The following PEX14 variants were observed in gnomAD, a reference collection of about 807,000 sequenced individuals.
The protein encoded by PEX14 is peroxisomal membrane protein PEX14.
In PEX14, 15 loss-of-function variants were observed where a neutral mutation model predicts 49.5. The ratio of observed to expected loss-of-function variants is 0.30; its 90% CI spans 0.20 to 0.47. PEX14 has a LOEUF of 0.47. Ranked by LOEUF, PEX14 falls within the 20% of genes least tolerant of loss-of-function variation. The probability of loss-of-function intolerance (pLI) is 1.00; values close to 1 mark genes in which losing one functional copy is unlikely to be tolerated. For synonymous variants in PEX14, 210 were observed against 212.7 expected, an observed-to-expected ratio of 0.99 and a Z score of 0.11; for missense variants, 398 against 494.8, an observed-to-expected ratio of 0.80 and a Z score of 1.86.
At chr1:10,586,212 C>A (rs779831786) in intron 3 of PEX14, among the ~76,000 whole-genome samples, 5 of 152,134 alleles carry the variant, frequency 3.3e-5, no homozygotes, top group Non-Finnish European at 7.4e-5. Flanking sequence ...GATAAACAAA[C>A]AAAAAGTATT....
intron 3 of PEX14, among the ~76,000 whole-genome samples, chr1:10,594,203 C>T (rs889594351): frequency 2.0e-5 from 3 of 152,212 alleles, no homozygotes; most frequent in African/African-American, 7.2e-5. Flanking sequence ...TTTCCCCTTC[C>T]CCTCCCTGAA....
chr1:10,535,936 G>A (rs186800419), intron 2 of PEX14: 20 of 429,682 alleles, frequency 4.7e-5, no homozygotes, highest in Middle Eastern at 7.2e-4. Context: ...GAATCAGCTC[G>A]AATGGAGATC....
intron 1 of PEX14, among the ~76,000 whole-genome samples, chr1:10,484,155 G>A (rs951480979): frequency 2.0e-5 from 3 of 147,622 alleles, no homozygotes; most frequent in African/African-American, 7.5e-5. Flanking sequence ...CAGCCTTCCA[G>A]TAGCTGGGAT....
At position 10,514,411 on chromosome 1, in the gene PEX14, C is replaced by T. The variant is rs1353379637; in HGVS notation, c.84+19090C>T. Among the ~76,000 whole-genome samples the T allele has an allele frequency of 2.0e-5, 3 of 152,100 alleles. No homozygotes were observed. Among genetic ancestry groups the T allele is most frequent in the African/African-American group, 7.2e-5 (3 of 41,404 alleles). The stretch of plus-strand genomic sequence containing the variant: ...TGTGCTATACTGTGTTGTTTGTGCA[C>T]GTGTGTAACAATATACAGTGTTTGT... On this transcript the variant is annotated intron_variant, in intron 2 of 8. Transcript: ENST00000356607. The surrounding 1 kb of genome is among the most constrained non-coding windows in gnomAD (Gnocchi z 4.4).
intron 3 of PEX14, among the ~76,000 whole-genome samples, chr1:10,549,875 T>C (rs1639285816): frequency 6.6e-6 from 1 of 152,192 alleles, no homozygotes; most frequent in African/African-American, 2.4e-5. Context: ...TAACATAAAA[T>C]AGCACTGTTC....
rs1405329775 is a variant in PEX14, at chr1:10,512,417, A to T, written c.84+17096A>T. On this transcript the variant is annotated intron_variant, in intron 2 of 8. Transcript: ENST00000356607. This position sits in a 1 kb window ranked among gnomAD's most constrained non-coding sequence, Gnocchi z 4.6. ...GCCAGGGAAACAGAGACTTCTGTGG[A>T]TTCATCCAAAGGATGGCAGACAGAT... Among the ~76,000 whole-genome samples the T allele has an allele frequency of 6.6e-6, 1 of 152,160 alleles. No homozygotes were observed. Among genetic ancestry groups the T allele is most frequent in the Non-Finnish European group, 1.5e-5 (1 of 68,028 alleles).
chr1:10,629,857 G>A lies in PEX14; in HGVS notation c.1004G>A (p.Ser335Asn). Reference protein sequence around the residue: ...DEEDEEDDDVSHVDEEDCLGV... With the variant: ...DEEDEEDDDVNHVDEEDCLGV... ...GAGGATGAGGAGGATGATGATGTGA[G>A]CCATGTGGACGAGGAGGACTGCCTG... Residue 335 changes from serine (S) to asparagine (N), a missense_variant, in exon 9 of 9, where the codon AGC becomes AAC. By Grantham distance (46) the Ser-to-Asn change is conservative. Around this residue, in one of 3 missense-constraint regions of PEX14, gnomAD observed 140 missense variants for 155.5 expected, o/e 0.90. Transcript: ENST00000356607. The surrounding 1 kb of genome is among the most constrained non-coding windows in gnomAD (Gnocchi z 8.5). 1 of 1,611,016 alleles carries A rather than the reference G, an allele frequency of 6.2e-7. No homozygotes were observed. The highest frequency in any genetic ancestry group is 2.2e-5 in the East Asian group (1 of 44,790).
intron 2 of PEX14, among the ~76,000 whole-genome samples, chr1:10,507,019 G>A (rs1254374645): frequency 2.6e-5 from 4 of 152,180 alleles, no homozygotes; most frequent in South Asian, 2.1e-4. Flanking sequence ...TACTAGCTCC[G>A]ATCACATAGG....
At chr1:10,556,508 C>T (rs568381884) in intron 3 of PEX14, among the ~76,000 whole-genome samples, 2 of 152,248 alleles carry the variant, frequency 1.3e-5, no homozygotes, top group East Asian at 1.9e-4. Context: ...TGATAATCGT[C>T]CCCTTGGAGG....
intron 3 of PEX14, among the ~76,000 whole-genome samples, chr1:10,563,328 G>T (rs147088377): frequency 6.7e-6 from 1 of 149,582 alleles, no homozygotes; most frequent in Non-Finnish European, 1.5e-5. Context: ...GGCCGGGCGC[G>T]GTTGCTCACG....
At chr1:10,475,914 T>G (rs1641187451) in intron 1 of PEX14, among the ~76,000 whole-genome samples, 1 of 152,212 alleles carries the variant, frequency 6.6e-6, no homozygotes, top group Non-Finnish European at 1.5e-5. Flanking sequence ...CTAACCTCCA[T>G]TTCACAGAAA....
Position 10,522,690 on chromosome 1 carries a change from A to G in PEX14, c.85-13523A>G, listed in dbSNP as rs529441486. On this transcript the variant is annotated intron_variant, in intron 2 of 8. Coordinates refer to ENST00000356607, the MANE Select transcript of PEX14 (RefSeq NM_004565.3). ...TTTAATCTCTGGCTTCCTGCTTCTT[A>G]ATCTAACATGAATCAAAGCTGTTCT... is the stretch of plus-strand genomic sequence containing the variant. 2.0e-5 allele frequency among the ~76,000 whole-genome samples: 3 copies of G among 152,304 alleles called. No individual in the cohort carries two copies. In the East Asian group the frequency reaches 5.8e-4, roughly 29 times the overall value.
intron 2 of PEX14, among the ~76,000 whole-genome samples, chr1:10,518,809 G>A (rs1642016864): frequency 6.6e-6 from 1 of 152,182 alleles, no homozygotes; most frequent in Non-Finnish European, 1.5e-5. Context: ...GCTCTTTACA[G>A]AAGAGATGCT....
intron 2 of PEX14, among the ~76,000 whole-genome samples, chr1:10,535,200 G>C (rs1486333079): frequency 6.6e-6 from 1 of 152,250 alleles, no homozygotes; most frequent in Non-Finnish European, 1.5e-5. Flanking sequence ...ACCTGGGGCA[G>C]GTGGGCGTTT....
chr1:10,610,162 A>G (rs1324392348), intron 4 of PEX14, among the ~76,000 whole-genome samples: 3 of 148,570 alleles, frequency 2.0e-5, no homozygotes, highest in Non-Finnish European at 3.0e-5. Flanking sequence ...GTTTATGTCT[A>G]TATCATGATT....
rs34544712 is a variant in PEX14 at position 10,480,387 on chromosome 1, CTTTTT to C, written c.36+5405_36+5409del. Among the ~76,000 whole-genome samples the C allele has an allele frequency of 3.5e-3, 302 of 87,280 alleles. 1 individual carries two copies. The highest frequency in any genetic ancestry group is 4.0e-3 in the Non-Finnish European group (198 of 49,310). The allele number at this position is 87,280 out of a possible 152,430, so 57.3% of individuals were successfully genotyped here. A position where few individuals can be genotyped will look rare whatever the true frequency, so the allele number is the denominator to read the frequency against. ...GGTGTGTGCCACTACGCCTGGCTAA[CTTTTT>C]TTTTTTTTTTTTTTTTTTTGAGACG... On this transcript the variant is annotated intron_variant, in intron 1 of 8. Coordinates refer to ENST00000356607, the MANE Select transcript of PEX14 (RefSeq NM_004565.3).
intron 2 of PEX14, among the ~76,000 whole-genome samples, chr1:10,522,625 G>A (rs1638338671): frequency 6.6e-6 from 1 of 152,224 alleles, no homozygotes; most frequent in East Asian, 1.9e-4. Context: ...AGTGGCTGGT[G>A]TACCGTGAGG....
In PEX14 at chr1:10,574,470, G is replaced by C. The variant is rs571978674; in HGVS notation, c.170-24768G>C. On this transcript the variant is annotated intron_variant, in intron 3 of 8. Transcript: ENST00000356607. Reference sequence around the variant, plus strand: ...TCTTCAAGCTTTGTGCTTAGGATTAGTGTAATTTTGCATATTAAACCATGT... The same window carrying C: ...TCTTCAAGCTTTGTGCTTAGGATTACTGTAATTTTGCATATTAAACCATGT... Among the ~76,000 whole-genome samples, 3 of 152,266 alleles carry C rather than the reference G, an allele frequency of 2.0e-5. No individual in the cohort carries two copies. In the East Asian group the frequency reaches 5.8e-4, roughly 29 times the overall value.
In PEX14 at chr1:10,630,215, C is replaced by G; in HGVS notation, c.*228C>G. 1.5e-6 allele frequency: 1 copy of G among 680,782 alleles called. No homozygotes were observed. The highest frequency in any genetic ancestry group is 2.4e-6 in the Non-Finnish European group (1 of 413,602). The allele number at this position is 680,782 out of a possible 1,614,324, so 42.2% of individuals were successfully genotyped here. ...CCAGCCCCAGCCCCAGCCCCAGGCC[C>G]AGCTGCCTTTGGCTTTGATCTCAAG... On this transcript the variant is annotated 3_prime_UTR_variant, in exon 9 of 9. Transcript: ENST00000356607. The surrounding 1 kb of genome is among the most constrained non-coding windows in gnomAD (Gnocchi z 4.1).
Sources: allele counts gnomAD v4.1 joint callset (sites outside exome capture counted in the v4.1 genomes callset), GRCh38; gene constraint gnomAD v4.1.1; regional missense constraint gnomAD v4.1.1; non-coding constraint Gnocchi (gnomAD v3.1); transcripts MANE v1.5; gene names NCBI Gene and HGNC (gene_info 2026-07-23, HGNC 2026-07-21).